PKD1L1: variants seen among roughly 807,000 people sequenced by gnomAD.
PKD1L1 encodes the protein polycystin-1-like protein 1.
A neutral mutation model predicts 323.4 loss-of-function variants in PKD1L1; 236 were observed. The ratio of observed to expected loss-of-function variants is 0.73; its 90% CI spans 0.66 to 0.81. The LOEUF is 0.81. Among genes scored for constraint, PKD1L1 ranks in the 40% least tolerant of loss-of-function variants. The pLI, the probability that PKD1L1 is intolerant of heterozygous loss-of-function variation, is 0.00. For missense variants in PKD1L1, 3,320 were observed against 3,508.0 expected, an observed-to-expected ratio of 0.95 and a Z score of 1.35; for synonymous variants, 1,344 against 1,335.0, an observed-to-expected ratio of 1.01 and a Z score of -0.15.
At chr7:47,938,921 G>A (rs987958749) in intron 3 of PKD1L1, among the ~76,000 whole-genome samples, 3 of 152,188 alleles carry the variant, frequency 2.0e-5, no homozygotes, top group Admixed American at 6.5e-5. Flanking sequence ...AGCTCCCTAG[G>A]TGATTCTGCA....
At chr7:47,878,549 C>T (rs954761788) in intron 21 of PKD1L1, among the ~76,000 whole-genome samples, 1 of 152,222 alleles carries the variant, frequency 6.6e-6, no homozygotes, top group Non-Finnish European at 1.5e-5. Context: ...TTAACAGTCA[C>T]ATTAACCATG....
intron 55 of PKD1L1, among the ~76,000 whole-genome samples, chr7:47,794,263 A>G (rs953829201): frequency 6.6e-6 from 1 of 152,176 alleles, no homozygotes; most frequent in African/African-American, 2.4e-5. Flanking sequence ...CTCTCCCATC[A>G]TAGGCCTGGA....
At chr7:47,891,540 T>C (rs1433776449) in intron 15 of PKD1L1, among the ~76,000 whole-genome samples, 2 of 152,234 alleles carry the variant, frequency 1.3e-5, no homozygotes, top group Non-Finnish European at 2.9e-5. Context: ...ATATTGATCT[T>C]TTAAAGAGCA....
chr7:47,815,185 TG>T, intron 47 of PKD1L1, 148 bp downstream of exon 47: 1 of 978,814 alleles, frequency 1.0e-6, no homozygotes, highest in Non-Finnish European at 1.5e-6. Flanking sequence ...GATGCTCTGC[TG>T]GGACCCACTG....
In PKD1L1 at chr7:47,811,828, T is replaced by A. The variant is rs1220203479; in HGVS notation, c.7570A>T (p.Met2524Leu). Residue 2524 changes from methionine (M) to leucine (L), a missense_variant, in exon 50 of 57, where the codon ATG becomes TTG. Transcript: ENST00000289672. ...GCAGGTCAGCTCACCTGGGGAAGCATGAGGTGGTACTGCAGGGCTGAGTCG... is the reference window on the plus strand; with the variant it reads ...GCAGGTCAGCTCACCTGGGGAAGCAAGAGGTGGTACTGCAGGGCTGAGTCG... Reference protein sequence around the residue: ...RSDSALQYHLMLPQLVFLALS... With the variant: ...RSDSALQYHLLLPQLVFLALS... 2 of 1,602,890 alleles carry A rather than the reference T, an allele frequency of 1.2e-6. No homozygotes were observed. The highest frequency in any genetic ancestry group is 1.7e-6 in the Non-Finnish European group (2 of 1,175,000).
At chr7:47,810,498 C>T (rs1352411271) in intron 50 of PKD1L1, among the ~76,000 whole-genome samples, 2 of 152,176 alleles carry the variant, frequency 1.3e-5, no homozygotes, top group Non-Finnish European at 2.9e-5. Context: ...TGTGTCTCCC[C>T]CAGGCAGACC....
At chr7:47,854,181 C>G (rs1352761232) in intron 30 of PKD1L1, among the ~76,000 whole-genome samples, 1 of 152,188 alleles carries the variant, frequency 6.6e-6, no homozygotes. Flanking sequence ...GCTGTGTGGA[C>G]AGCGCCTGTG....
At chr7:47,874,430 A>G (rs920832636) in intron 23 of PKD1L1, among the ~76,000 whole-genome samples, 1 of 152,208 alleles carries the variant, frequency 6.6e-6, no homozygotes, top group Non-Finnish European at 1.5e-5. Flanking sequence ...TAGGAACCAC[A>G]TAGAAAGATC....
intron 7 of PKD1L1, among the ~76,000 whole-genome samples, chr7:47,916,251 C>A (rs546922227): frequency 2.0e-5 from 3 of 152,242 alleles, no homozygotes. Flanking sequence ...TATTTTTCAA[C>A]TGCATTTGCA....
chr7:47,823,795 C>G (rs774660782), intron 45 of PKD1L1, among the ~76,000 whole-genome samples: 1 of 152,186 alleles, frequency 6.6e-6, no homozygotes, highest in African/African-American at 2.4e-5. Context: ...AAATATCCCC[C>G]CTCCTGTTAT....
chr7:47,779,264 T>C (rs1344949779), intron 56 of PKD1L1, among the ~76,000 whole-genome samples: 1 of 152,194 alleles, frequency 6.6e-6, no homozygotes, highest in Non-Finnish European at 1.5e-5. Flanking sequence ...AGAGCAGAGA[T>C]CAAATTATCA....
chr7:47,932,495 C>G (rs1787791429), intron 4 of PKD1L1, among the ~76,000 whole-genome samples: 1 of 152,214 alleles, frequency 6.6e-6, no homozygotes, highest in South Asian at 2.1e-4. Context: ...TCAAACCTGG[C>G]AGGGAGGCAG....
At chr7:47,863,601 G>A (rs79366165) in intron 26 of PKD1L1, among the ~76,000 whole-genome samples, 2,481 of 152,278 alleles carry the variant, frequency 0.016, 67 homozygotes, top group African/African-American at 0.056. Context: ...CCCCACAGAA[G>A]GTCCCCGGCA....
At chr7:47,943,098 A>G (rs546835747) in intron 2 of PKD1L1, among the ~76,000 whole-genome samples, 1 of 148,706 alleles carries the variant, frequency 6.7e-6, no homozygotes, top group Admixed American at 6.8e-5. Context: ...GTGAGCCAAG[A>G]TCATGCCACT....
At chr7:47,948,498 C>T, upstream of PKD1L1, 1 of 1,536,208 alleles carries the variant, frequency 6.5e-7, no homozygotes. Context: ...TTCCTACATC[C>T]TCTGGAAGAC....
chr7:47,924,336 C>T (rs1787616178), intron 7 of PKD1L1, among the ~76,000 whole-genome samples: 1 of 152,118 alleles, frequency 6.6e-6, no homozygotes, highest in South Asian at 2.1e-4. Context: ...TGAGTTAGTT[C>T]CTTGGCAGGG....
chr7:47,864,576 TTTTCTTTCTTTCTTTC>T lies in PKD1L1; in HGVS notation c.4149+624_4149+639del, dbSNP rs199500886. Among the ~76,000 whole-genome samples the T allele has an allele frequency of 7.9e-3, 851 of 107,618 alleles. 4 individuals are homozygous for T. Among genetic ancestry groups the T allele is most frequent in the African/African-American group, 0.02 (560 of 27,952 alleles). 70.6% of individuals were successfully genotyped at this position (107,618 alleles called of 152,430 possible). A position where few individuals can be genotyped will look rare whatever the true frequency, so the allele number is the denominator to read the frequency against. On this transcript the variant is annotated intron_variant, in intron 26 of 56. Coordinates refer to ENST00000289672, the MANE Select transcript of PKD1L1 (RefSeq NM_138295.5). ...TCTTCCTTCTTTTTCTTTTTCTTTC[TTTTCTTTCTTTCTTTC>T]TTTCTTTCTTTCTTTCTTTCTTTCT...
At chr7:47,818,990 A>G (rs1785084036) in intron 46 of PKD1L1, among the ~76,000 whole-genome samples, 1 of 152,120 alleles carries the variant, frequency 6.6e-6, no homozygotes, top group Admixed American at 6.5e-5. Flanking sequence ...GCAACCAAAC[A>G]TGAGTTGGGG....
chr7:47,794,760 G>A lies in PKD1L1; in HGVS notation c.8355+1229C>T, dbSNP rs183898298. On this transcript the variant is annotated intron_variant, in intron 55 of 56. Coordinates refer to ENST00000289672, the MANE Select transcript of PKD1L1 (RefSeq NM_138295.5). The stretch of plus-strand genomic sequence containing the variant: ...GAGGCTGTACCCTGCAAAGCTACAG[G>A]GGCAGAGCTGCCCAAGACCATGGGA... 5.8e-4 allele frequency among the ~76,000 whole-genome samples: 89 copies of A among 152,262 alleles called. No homozygotes were observed. In the East Asian group the frequency reaches 0.016, roughly 28 times the overall value.
Sources: gnomAD v4.1 joint callset for allele counts (sites outside exome capture counted in the v4.1 genomes callset) on GRCh38, gnomAD v4.1.1 for gene constraint, MANE v1.5 for transcripts, NCBI Gene and HGNC (gene_info 2026-07-23, HGNC 2026-07-21) for gene names.